SV2C: variants seen among roughly 807,000 people sequenced by gnomAD.
SV2C encodes solute carrier family 22 member B3.
In SV2C, 49 loss-of-function variants were observed where a neutral mutation model predicts 79.7. The observed-to-expected ratio is 0.61, with a 90% CI of 0.49 to 0.78. The LOEUF (loss-of-function observed/expected upper bound fraction) is 0.78. SV2C is among the 30% of genes least tolerant of loss of function. SV2C has a pLI of 0.00. For missense variants in SV2C, 833 were observed against 912.9 expected (o/e 0.91, Z 1.13); for synonymous variants, 334 against 333.2 (o/e 1.00, Z -0.03).
the SV2C span, among the ~76,000 whole-genome samples, chr5:75,848,336 A>G: frequency 1.3e-5 from 2 of 152,212 alleles, no homozygotes; most frequent in African/African-American, 2.4e-5. Flanking sequence ...TCAGCAGTAG[A>G]CACTAGCAGA....
chr5:76,066,836 C>G, the SV2C span, among the ~76,000 whole-genome samples: 2 of 149,282 alleles, frequency 1.3e-5, no homozygotes, highest in East Asian at 2.0e-4. Context: ...AGAAATTGCT[C>G]TCAGACTTCA....
At chr5:76,071,038 G>A in the SV2C span, among the ~76,000 whole-genome samples, 8 of 152,320 alleles carry the variant, frequency 5.3e-5, no homozygotes, top group East Asian at 1.5e-3. Flanking sequence ...CATTAGTGAT[G>A]TGACTCCACC....
At chr5:75,900,602 T>C in the SV2C span, among the ~76,000 whole-genome samples, 2 of 152,200 alleles carry the variant, frequency 1.3e-5, no homozygotes, top group East Asian at 1.9e-4. Context: ...TGAATCTGAA[T>C]GTTGGCCTGC....
chr5:76,351,424 G>T (rs1057238421), intron 12 of SV2C, among the ~76,000 whole-genome samples: 11 of 151,740 alleles, frequency 7.2e-5, no homozygotes, highest in African/African-American at 2.7e-4. Context: ...CGCCAGCCTG[G>T]ATGACAGAGT....
At chr5:76,053,723 G>A in the SV2C span, among the ~76,000 whole-genome samples, 1 of 152,092 alleles carries the variant, frequency 6.6e-6, no homozygotes, top group Non-Finnish European at 1.5e-5. Flanking sequence ...TGTTAATGTT[G>A]AGATAAGCTT....
chr5:75,849,406 A>C, the SV2C span, among the ~76,000 whole-genome samples: 1 of 152,254 alleles, frequency 6.6e-6, no homozygotes, highest in African/African-American at 2.4e-5. Flanking sequence ...GTCTGTATAC[A>C]CAAAAAATCC....
the SV2C span, among the ~76,000 whole-genome samples, chr5:76,040,563 G>T: frequency 6.6e-6 from 1 of 152,180 alleles, no homozygotes; most frequent in Non-Finnish European, 1.5e-5. Flanking sequence ...ATATGTGTAG[G>T]TTGGTATAAG....
the SV2C span, among the ~76,000 whole-genome samples, chr5:75,961,683 GT>G: frequency 4.0e-5 from 6 of 151,696 alleles, no homozygotes; most frequent in African/African-American, 1.5e-4. Context: ...CAATTTTAGT[GT>G]TCAAGATTCT....
chr5:76,280,844 G>A (rs939823065), intron 4 of SV2C: 7 of 404,504 alleles, frequency 1.7e-5, no homozygotes, highest in Non-Finnish European at 3.5e-5. Flanking sequence ...CAGCCAGGCC[G>A]AATTCAGTTT....
intron 12 of SV2C, among the ~76,000 whole-genome samples, chr5:76,319,513 T>C (rs985167417): frequency 2.6e-5 from 4 of 152,240 alleles, no homozygotes; most frequent in Non-Finnish European, 5.9e-5. Flanking sequence ...AGTCACGTTT[T>C]CTTGAATGCC....
the SV2C span, among the ~76,000 whole-genome samples, chr5:75,877,580 G>T: frequency 1.5e-5 from 2 of 137,774 alleles, no homozygotes; most frequent in Admixed American, 7.3e-5. Context: ...ACAGTGAAAT[G>T]AAATTTGAAA....
At chr5:75,901,472 G>A in the SV2C span, among the ~76,000 whole-genome samples, 65 of 152,290 alleles carry the variant, frequency 4.3e-4, no homozygotes, top group Middle Eastern at 3.4e-3. Context: ...GTACCCGGCC[G>A]TGTGAGGTGT....
chr5:75,906,737 G>A, the SV2C span, among the ~76,000 whole-genome samples: 1 of 152,168 alleles, frequency 6.6e-6, no homozygotes, highest in Non-Finnish European at 1.5e-5. Flanking sequence ...GGAGCCACAA[G>A]GAGCACAGAT....
chr5:75,914,339 T>C, the SV2C span, among the ~76,000 whole-genome samples: 6 of 152,344 alleles, frequency 3.9e-5, no homozygotes, highest in Middle Eastern at 3.4e-3. Flanking sequence ...TTCATACCCA[T>C]ATTTTGTCAG....
intron 12 of SV2C, among the ~76,000 whole-genome samples, chr5:76,302,851 G>A (rs918710814): frequency 5.3e-5 from 8 of 152,010 alleles, no homozygotes; most frequent in Non-Finnish European, 1.2e-4. Flanking sequence ...CTGTGCCAGA[G>A]GGTGGAGTCA....
chr5:76,260,366 C>T (rs1440479990), intron 4 of SV2C, among the ~76,000 whole-genome samples: 2 of 152,054 alleles, frequency 1.3e-5, no homozygotes, highest in Non-Finnish European at 2.9e-5. Context: ...GGATAGATTG[C>T]AAAAATTTTC....
At chr5:75,929,000 T>C in the SV2C span, among the ~76,000 whole-genome samples, 1 of 152,180 alleles carries the variant, frequency 6.6e-6, no homozygotes, top group Non-Finnish European at 1.5e-5. Context: ...AACCCCTGTG[T>C]TCTTTTGACC....
At chr5:76,031,898 AGCTTACTGGCTG>A in the SV2C span, among the ~76,000 whole-genome samples, 2 of 152,228 alleles carry the variant, frequency 1.3e-5, no homozygotes, top group Admixed American at 1.3e-4. Flanking sequence ...GCTTTCCAAA[AGCTTACTGGCTG>A]CCTTGAGTTC....
the SV2C span, among the ~76,000 whole-genome samples, chr5:76,062,571 G>A: frequency 1.3e-5 from 2 of 151,766 alleles, no homozygotes; most frequent in African/African-American, 4.8e-5. Flanking sequence ...CAGCACAAAT[G>A]GACTAAGACA....
Sources: gnomAD v4.1 joint callset for allele counts (sites outside exome capture counted in the v4.1 genomes callset) on GRCh38, gnomAD v4.1.1 for gene constraint, MANE v1.5 for transcripts, NCBI Gene and HGNC (gene_info 2026-07-23, HGNC 2026-07-21) for gene names.